Variants in ADA observed in about 807,000 individuals in gnomAD.
ADA encodes adenosine deaminase, also known as adenosine aminohydrolase.
In ADA, 45 loss-of-function variants were observed where a neutral mutation model predicts 49.0. That is an observed-to-expected ratio of 0.92 (90% CI 0.72 to 1.18). The LOEUF (loss-of-function observed/expected upper bound fraction) is 1.18. Ranked by LOEUF, ADA falls within the 50% of genes most tolerant of loss-of-function variation. ADA has a pLI of 0.00. For missense variants in ADA, 445 were observed against 472.5 expected, an observed-to-expected ratio of 0.94 and a Z score of 0.54; for synonymous variants, 173 against 184.2, an observed-to-expected ratio of 0.94 and a Z score of 0.49.
intron 2 of ADA, among the ~76,000 whole-genome samples, chr20:44,634,185 C>T (rs912676202): frequency 3.3e-5 from 5 of 152,234 alleles, no homozygotes; most frequent in Non-Finnish European, 7.3e-5. Context: ...TGCCTGGGTT[C>T]GATCTCATCT....
In ADA at chr20:44,651,676, C is replaced by A. The variant is rs1486214672; in HGVS notation, c.-69G>T. On this transcript the variant is annotated 5_prime_UTR_variant, in exon 1 of 12. Coordinates refer to ENST00000372874, the MANE Select transcript of ADA (RefSeq NM_000022.4). The stretch of plus-strand genomic sequence containing the variant: ...GGTGGGTCTCTGCCGGCTCGGTGGC[C>A]GCTCGGCTTTCCCTGGGGCCAGCGG... The A allele has an allele frequency of 2.1e-6, 3 of 1,443,716 alleles. No homozygotes were observed. In the East Asian group the frequency reaches 9.2e-5, roughly 44 times the overall value. 89.4% of individuals were successfully genotyped at this position (1,443,716 alleles called of 1,614,324 possible). A position where few individuals can be genotyped will look rare whatever the true frequency, so the allele number is the denominator to read the frequency against.
Position 44,619,721 on chromosome 20 carries a change from G to A in ADA, c.*113C>T. The A allele has an allele frequency of 5.0e-6, 7 of 1,407,458 alleles. No individual in the cohort carries two copies. Among genetic ancestry groups the A allele is most frequent in the Non-Finnish European group, 7.0e-6 (7 of 994,122 alleles). 87.2% of individuals were successfully genotyped at this position (1,407,458 alleles called of 1,614,324 possible). On this transcript the variant is annotated 3_prime_UTR_variant, in exon 12 of 12. Coordinates refer to ENST00000372874, the MANE Select transcript of ADA (RefSeq NM_000022.4). ...GGACACATAGGGTTCAGGAGCATCAGTAACTGACTATTGAGATCATGGTCT... is the reference window on the plus strand; with the variant it reads ...GGACACATAGGGTTCAGGAGCATCAATAACTGACTATTGAGATCATGGTCT...
intron 2 of ADA, among the ~76,000 whole-genome samples, chr20:44,629,704 T>G (rs944569839): frequency 6.6e-6 from 1 of 152,220 alleles, no homozygotes; most frequent in East Asian, 1.9e-4. Flanking sequence ...AGAGGGCCGG[T>G]GGAGGCTCAG....
chr20:44,651,426 G>A, intron 1 of ADA, 149 bp downstream of exon 1: 1 of 812,740 alleles, frequency 1.2e-6, no homozygotes, highest in Non-Finnish European at 1.9e-6. Context: ...TAGCCCGCAA[G>A]CAAGCCACGG....
chr20:44,645,271 T>A (rs745864004), intron 1 of ADA, among the ~76,000 whole-genome samples: 20 of 147,852 alleles, frequency 1.4e-4, no homozygotes, highest in Non-Finnish European at 2.7e-4. Context: ...GGCAGGAGGA[T>A]CGCATGAACC....
intron 9 of ADA, among the ~76,000 whole-genome samples, chr20:44,621,848 AT>A (rs2065335330): frequency 6.6e-6 from 1 of 151,996 alleles, no homozygotes; most frequent in Non-Finnish European, 1.5e-5. Flanking sequence ...TGACTCCTGG[AT>A]CTTTTTCCAG....
chr20:44,647,435 TAAAAAAAG>T (rs1297245257), intron 1 of ADA, among the ~76,000 whole-genome samples: 2 of 151,058 alleles, frequency 1.3e-5, no homozygotes, highest in Non-Finnish European at 2.9e-5. Context: ...AAACTCTGTC[TAAAAAAAG>T]AAAAAAAGAA....
At position 44,621,077 on chromosome 20, in the gene ADA, TGTC is replaced by T; in HGVS notation, c.913_915del (p.Asp305del). 1 of 1,614,196 alleles carries T rather than the reference TGTC, an allele frequency of 6.2e-7. No individual in the cohort carries two copies. The highest frequency in any genetic ancestry group is 2.2e-5 in the East Asian group (1 of 44,884). ...TCCCGTTTGGTCATCTGGTAATCAGTGTCCAGGGTGGACTTGAAGATGAGCGGG... is the reference window on the plus strand; with the variant it reads ...TCCCGTTTGGTCATCTGGTAATCAGTCAGGGTGGACTTGAAGATGAGCGGG... On this transcript the variant is annotated inframe_deletion, in exon 10 of 12. Coordinates refer to ENST00000372874, the MANE Select transcript of ADA (RefSeq NM_000022.4).
chr20:44,629,131 C>T lies in ADA; in HGVS notation c.134G>A (p.Gly45Glu), dbSNP rs1363563144. 7.4e-6 allele frequency: 12 copies of T among 1,614,094 alleles called. No individual in the cohort carries two copies. The highest frequency in any genetic ancestry group is 9.3e-6 in the Non-Finnish European group (11 of 1,180,050). ...GTCCATGCCAATGACGTTCAGCAGC[C>T]CCTCTGCTGTGTTAGCTGGGAGGGC... The part of the protein sequence containing the change: ...GIALPANTAE[G>E]LLNVIGMDKP... The change falls in exon 3 of 12, where the codon GGG (glycine) becomes GAG (glutamate). Residue 45 changes from glycine to glutamate, a missense_variant. Coordinates refer to ENST00000372874, the MANE Select transcript of ADA (RefSeq NM_000022.4).
chr20:44,627,183 CT>C lies in ADA; in HGVS notation c.219-585del, dbSNP rs35587028. Among the ~76,000 whole-genome samples, 935 of 140,610 alleles carry C rather than the reference CT, an allele frequency of 6.6e-3. 1 individual carries two copies. Among genetic ancestry groups the C allele is most frequent in the African/African-American group, 0.018 (707 of 38,384 alleles). The allele number at this position is 140,610 out of a possible 152,430, so 92.2% of individuals were successfully genotyped here. A position where few individuals can be genotyped will look rare whatever the true frequency, so the allele number is the denominator to read the frequency against. ...GAGAGGCCTTCCCTGACCACCTTAT[CT>C]TTTTTTTTTTTTTTTGAGACAGAAT... On this transcript the variant is annotated intron_variant, in intron 3 of 11. Coordinates refer to ENST00000372874, the MANE Select transcript of ADA (RefSeq NM_000022.4).
intron 1 of ADA, among the ~76,000 whole-genome samples, chr20:44,638,791 G>T (rs2065504397): frequency 6.6e-6 from 1 of 152,168 alleles, no homozygotes; most frequent in Non-Finnish European, 1.5e-5. Flanking sequence ...TCCTATGACA[G>T]AGGGTAACAA....
rs753675723 is a variant in ADA, at chr20:44,647,293, G to A, written c.33+4282C>T. Among the ~76,000 whole-genome samples the A allele has an allele frequency of 4.6e-5, 7 of 151,942 alleles. 1 individual carries two copies. Among genetic ancestry groups the A allele is most frequent in the African/African-American group, 1.7e-4 (7 of 41,274 alleles). ...CTACTAAAAATACAAAAAATTAGCC[G>A]GGCATGGTGGTGCATGCCTGTAATT... On this transcript the variant is annotated intron_variant, in intron 1 of 11. Coordinates refer to ENST00000372874, the MANE Select transcript of ADA (RefSeq NM_000022.4).
chr20:44,636,468 TTAATCC>T (rs1433142075), intron 1 of ADA, among the ~76,000 whole-genome samples, 180 bp from the exon 2 acceptor site: 23 of 152,234 alleles, frequency 1.5e-4, no homozygotes, highest in Admixed American at 1.5e-3. Context: ...ACTATCTCAT[TTAATCC>T]GCTCCTGGGA....
chr20:44,630,969 C>T (rs920825076), intron 2 of ADA, among the ~76,000 whole-genome samples: 1 of 152,008 alleles, frequency 6.6e-6, no homozygotes, highest in African/African-American at 2.4e-5. Context: ...GCCAAGATTG[C>T]ACCACTGCAC....
chr20:44,650,188 G>A (rs1229039580), intron 1 of ADA, among the ~76,000 whole-genome samples: 1 of 152,230 alleles, frequency 6.6e-6, no homozygotes, highest in Non-Finnish European at 1.5e-5. Context: ...GAAGGAGGCA[G>A]GGGTGGGGGT....
chr20:44,627,721 G>C lies in ADA; in HGVS notation c.219-1122C>G, dbSNP rs1276531565. 3.3e-5 allele frequency among the ~76,000 whole-genome samples: 5 copies of C among 152,312 alleles called. No individual in the cohort carries two copies. The East Asian group carries it at 9.7e-4, about 29-fold the overall frequency. ...AATATTTGTTGGTGATGGAGTTAAGGCTGGCAGGGAAGAGAAATGAGAGAA... is the reference window on the plus strand; with the variant it reads ...AATATTTGTTGGTGATGGAGTTAAGCCTGGCAGGGAAGAGAAATGAGAGAA... On this transcript the variant is annotated intron_variant, in intron 3 of 11. Transcript: ENST00000372874.
At position 44,624,415 on chromosome 20, in the gene ADA, C is replaced by A. The variant is rs1481396661; in HGVS notation, c.479-86G>T. On this transcript the variant is annotated intron_variant, in intron 5 of 11. Coordinates refer to ENST00000372874, the MANE Select transcript of ADA (RefSeq NM_000022.4). ...ACCTGCCTGCTGTCCCACCCAAACC[C>A]CCCATGGGAGGCCAGCACAAAACAG... 14 of 1,584,076 alleles carry A rather than the reference C, an allele frequency of 8.8e-6. No homozygotes were observed. The East Asian group carries it at 3.1e-4, about 36-fold the overall frequency.
In ADA at chr20:44,619,603, A is replaced by C. The variant is rs1600913913; in HGVS notation, c.*231T>G. The C allele has an allele frequency of 1.8e-6, 1 of 553,498 alleles. No individual in the cohort carries two copies. Among genetic ancestry groups the C allele is most frequent in the East Asian group, 3.2e-5 (1 of 31,254 alleles). 34.3% of individuals were successfully genotyped at this position (553,498 alleles called of 1,614,324 possible). On this transcript the variant is annotated 3_prime_UTR_variant, in exon 12 of 12. Transcript: ENST00000372874. The stretch of plus-strand genomic sequence containing the variant: ...CCACAGAAGGAGGGTTTCAGATTCA[A>C]CCATGCCCATGTGCAAGGGCGCTGG...
chr20:44,626,657 G>A, intron 3 of ADA, 58 bp from the exon 4 acceptor site: 1 of 1,606,442 alleles, frequency 6.2e-7, no homozygotes, highest in Non-Finnish European at 8.5e-7. Context: ...GGGAGCTCCA[G>A]GAGCAAATGA....
Sources: gnomAD v4.1 joint callset for allele counts (sites outside exome capture counted in the v4.1 genomes callset) on GRCh38, gnomAD v4.1.1 for gene constraint, MANE v1.5 for transcripts, NCBI Gene and HGNC (gene_info 2026-07-23, HGNC 2026-07-21) for gene names.